The following ITGAL variants were observed in gnomAD, a reference collection of about 807,000 sequenced individuals.
The protein encoded by ITGAL is integrin alpha-L.
Under a neutral mutation model 138.4 loss-of-function variants are expected in ITGAL, and 68 were observed. The ratio of observed to expected loss-of-function variants is 0.49; its 90% CI spans 0.40 to 0.60. ITGAL has a LOEUF of 0.60. ITGAL is among the 20% of genes least tolerant of loss of function. The pLI, the probability that ITGAL is intolerant of heterozygous loss-of-function variation, is 0.00. For synonymous variants in ITGAL, 561 were observed against 584.3 expected, an observed-to-expected ratio of 0.96 and a Z score of 0.57; for missense variants, 1,256 against 1,478.6, an observed-to-expected ratio of 0.85 and a Z score of 2.47.
At chr16:30,493,390 T>C (rs2050753537) in intron 11 of ITGAL, among the ~76,000 whole-genome samples, 1 of 151,642 alleles carries the variant, frequency 6.6e-6, no homozygotes. Context: ...CATTCTCCTG[T>C]CTCAGCCTCC....
chr16:30,473,910 T>C (rs2050428178), intron 1 of ITGAL: 1 of 563,048 alleles, frequency 1.8e-6, no homozygotes, highest in Admixed American at 2.2e-5. Context: ...TTGGGGCCCC[T>C]TGGGTCTGCT....
At chr16:30,507,293 A>G (rs1187695916) in intron 21 of ITGAL, among the ~76,000 whole-genome samples, 2 of 151,932 alleles carry the variant, frequency 1.3e-5, no homozygotes, top group Non-Finnish European at 2.9e-5. Context: ...CCCCGTCTCT[A>G]CTAAAAATAC....
intron 11 of ITGAL, among the ~76,000 whole-genome samples, chr16:30,493,639 C>G (rs2151156091): frequency 6.6e-6 from 1 of 152,202 alleles, no homozygotes; most frequent in African/African-American, 2.4e-5. Flanking sequence ...CCTGTAACCC[C>G]AGCACTTTGG....
intron 3 of ITGAL, 51 bp from the exon 4 acceptor site, chr16:30,475,462 G>A: frequency 6.3e-7 from 1 of 1,599,394 alleles, no homozygotes; most frequent in Non-Finnish European, 8.6e-7. Flanking sequence ...GCTGGCCCCA[G>A]CCCACCTAGA....
chr16:30,490,544 TC>T (rs1051748493), intron 11 of ITGAL, among the ~76,000 whole-genome samples: 6 of 152,198 alleles, frequency 3.9e-5, no homozygotes, highest in African/African-American at 1.4e-4. Flanking sequence ...ATGTAGTGTT[TC>T]CCTCTCTGGC....
rs1274237128 is a variant in ITGAL at position 30,519,843 on chromosome 16, C to T, written c.3229-14C>T. 6.3e-7 allele frequency: 1 copy of T among 1,580,748 alleles called. No homozygotes were observed. The highest frequency in any genetic ancestry group is 1.7e-5 in the Admixed American group (1 of 59,974). ...AAAAGGCATTTTCCGGCACTCCCCT[C>T]CCCCTGCTCCCAGGTTGTCATGAAG... On this transcript the variant is annotated splice_polypyrimidine_tract_variant and intron_variant, in intron 29 of 30. Transcript: ENST00000356798.
intron 29 of ITGAL, 25 bp from the exon 30 acceptor site, chr16:30,519,832 G>A (rs375743979): frequency 1.8e-5 from 28 of 1,526,520 alleles, no homozygotes; most frequent in Non-Finnish European, 2.4e-5. Context: ...GGCATTTTCC[G>A]GCACTCCCCT....
At chr16:30,503,497 G>C (rs2151164975) in intron 17 of ITGAL, among the ~76,000 whole-genome samples, 1 of 132,830 alleles carries the variant, frequency 7.5e-6, no homozygotes, top group South Asian at 2.9e-4. Context: ...GAAAGAGAAA[G>C]AGAAAGAAAG....
Position 30,499,496 on chromosome 16 carries a change from G to T in ITGAL, c.2145+7G>T. On this transcript the variant is annotated splice_region_variant and intron_variant, in intron 17 of 30. Transcript: ENST00000356798. ...CTTCTCATTTCATTTCCCGGTAAGGGAGCCAGCGCCAATGCTCTGGGATGA... is the reference window on the plus strand; with the variant it reads ...CTTCTCATTTCATTTCCCGGTAAGGTAGCCAGCGCCAATGCTCTGGGATGA... 1 of 1,613,110 alleles carries T rather than the reference G, an allele frequency of 6.2e-7. No homozygotes were observed. Among genetic ancestry groups the T allele is most frequent in the Non-Finnish European group, 8.5e-7 (1 of 1,179,886 alleles).
rs562785782 is a variant in ITGAL, at chr16:30,514,287, T to G, written c.2862+441T>G. Among the ~76,000 whole-genome samples, 3 of 151,794 alleles carry G rather than the reference T, an allele frequency of 2.0e-5. No homozygotes were observed. The East Asian group carries it at 5.8e-4, about 29-fold the overall frequency. Reference sequence around the variant, plus strand: ...CACCATGCCCAGCTAATTTTTTTTTTTTTTTTTGAGACGGAGTCTCACTCT... The same window carrying G: ...CACCATGCCCAGCTAATTTTTTTTTGTTTTTTTGAGACGGAGTCTCACTCT... On this transcript the variant is annotated intron_variant, in intron 25 of 30. Transcript: ENST00000356798.
chr16:30,509,789 AG>A (rs2051060772), intron 21 of ITGAL, among the ~76,000 whole-genome samples: 1 of 152,074 alleles, frequency 6.6e-6, no homozygotes, highest in Non-Finnish European at 1.5e-5. Context: ...TTATAATCCC[AG>A]CACATTGGTA....
intron 20 of ITGAL, among the ~76,000 whole-genome samples, 140 bp from the exon 21 acceptor site, chr16:30,506,558 CAAAAAAAAAAAAAAAAA>C (rs57722064): frequency 5.4e-4 from 26 of 47,936 alleles, no homozygotes; most frequent in Middle Eastern, 0.014. Flanking sequence ...GACTCCATCT[CAAAAAAAAAAAAAAAAA>C]AAAAAAAAAA....
chr16:30,496,930 C>A (rs1363736228), intron 15 of ITGAL, among the ~76,000 whole-genome samples: 1 of 151,988 alleles, frequency 6.6e-6, no homozygotes, highest in Non-Finnish European at 1.5e-5. Context: ...CAGGCAGGAG[C>A]CACTATGCAT....
rs2050803529 is a variant in ITGAL at position 30,496,541 on chromosome 16, G to A, written c.1807G>A (p.Ala603Thr). The A allele has an allele frequency of 6.2e-7, 1 of 1,613,688 alleles. No homozygotes were observed. Among genetic ancestry groups the A allele is most frequent in the African/African-American group, 1.3e-5 (1 of 74,940 alleles). ...TGGCTTGGCAGATGTGGCTGTGGGG[G>A]CTGAGAGCCAGATGATCGTGCTGAG... The part of the protein sequence containing the change: ...GDGLADVAVG[A>T]ESQMIVLSSR... The change falls in exon 15 of 31, where the codon GCT becomes ACT. Residue 603 changes from alanine to threonine, a missense_variant. This residue lies in a region of ITGAL where 867 missense variants were observed against 972.5 expected (regional missense o/e 0.89). Transcript: ENST00000356798.
At chr16:30,498,869 C>G (rs1205972439) in intron 15 of ITGAL, 2 of 538,510 alleles carry the variant, frequency 3.7e-6, no homozygotes, top group Admixed American at 3.2e-5. Flanking sequence ...CCACTGCACT[C>G]CAGCCTGGGC....
chr16:30,511,169 C>G (rs1433507637), intron 24 of ITGAL, 33 bp downstream of exon 24: 1 of 1,535,804 alleles, frequency 6.5e-7, no homozygotes, highest in East Asian at 2.2e-5. Flanking sequence ...CCAACCCTCT[C>G]CTCCCACCGC....
intron 9 of ITGAL, among the ~76,000 whole-genome samples, chr16:30,485,383 C>A (rs1013559308): frequency 6.7e-6 from 1 of 149,568 alleles, no homozygotes. Context: ...CCAGCCACCA[C>A]GCCTGGCTAA....
chr16:30,492,702 G>A (rs545665808), intron 11 of ITGAL, among the ~76,000 whole-genome samples: 1 of 151,738 alleles, frequency 6.6e-6, no homozygotes, highest in East Asian at 1.9e-4. Flanking sequence ...GACTACAGGT[G>A]CCCGCCACCA....
intron 30 of ITGAL, among the ~76,000 whole-genome samples, chr16:30,520,712 G>A (rs1386086128): frequency 6.6e-6 from 1 of 152,222 alleles, no homozygotes; most frequent in Non-Finnish European, 1.5e-5. Flanking sequence ...GAACCCAGGA[G>A]CCTCACTTAG....
Sources: allele counts gnomAD v4.1 joint callset (sites outside exome capture counted in the v4.1 genomes callset), GRCh38; gene constraint gnomAD v4.1.1; regional missense constraint gnomAD v4.1.1; transcripts MANE v1.5; gene names NCBI Gene and HGNC (gene_info 2026-07-23, HGNC 2026-07-21).